The following PC variants were observed in gnomAD, a reference collection of about 807,000 sequenced individuals.
PC encodes the protein pyruvate carboxylase.
Under a neutral mutation model 107.8 loss-of-function variants are expected in PC, and 46 were observed. That is an observed-to-expected ratio of 0.43 (90% confidence interval 0.34 to 0.55). The LOEUF (loss-of-function observed/expected upper bound fraction) is 0.55, where lower values mean the gene tolerates loss of function less well. Among genes scored for constraint, PC ranks in the 20% least tolerant of loss-of-function variants. The probability of loss-of-function intolerance (pLI) is 0.04; values close to 1 mark genes in which losing one functional copy is unlikely to be tolerated. For missense variants in PC, 1,241 were observed against 1,643.1 expected (o/e 0.76, Z 4.23); for synonymous variants, 662 against 684.7 (o/e 0.97, Z 0.52).
chr11:66,915,719 C>T (rs984714373), intron 3 of PC, among the ~76,000 whole-genome samples: 4 of 152,154 alleles, frequency 2.6e-5, no homozygotes, highest in African/African-American at 4.8e-5. Context: ...TGCCAGGTTC[C>T]GAGACTTCCT....
chr11:66,869,621 G>A (rs1453219939), intron 9 of PC, among the ~76,000 whole-genome samples: 4 of 152,304 alleles, frequency 2.6e-5, no homozygotes, highest in African/African-American at 9.6e-5. Context: ...ATTAGCTGTG[G>A]CTGAGGCCTT....
intron 3 of PC, among the ~76,000 whole-genome samples, chr11:66,950,427 C>A (rs1340849374): frequency 2.0e-5 from 3 of 152,202 alleles, no homozygotes; most frequent in Non-Finnish European, 2.9e-5. Context: ...AAGGAGGTAA[C>A]ACAAGAGTAG....
At chr11:66,950,816 T>C (rs150532898) in intron 3 of PC, among the ~76,000 whole-genome samples, 1 of 152,242 alleles carries the variant, frequency 6.6e-6, no homozygotes, top group Non-Finnish European at 1.5e-5. Context: ...GTTTCTTCAG[T>C]TCCATAAGAC....
Position 66,931,313 on chromosome 11 carries a change from G to A in PC, c.-1+21117C>T, listed in dbSNP as rs189441774. 7.3e-5 allele frequency among the ~76,000 whole-genome samples: 11 copies of A among 150,728 alleles called. No homozygotes were observed. In the East Asian group the frequency reaches 1.8e-3, roughly 24 times the overall value. ...AGAATCACTTGAACCCAGGAGGCAGGGGTTGCAGTGGGCCGAGATGGCACC... is the reference window on the plus strand; with the variant it reads ...AGAATCACTTGAACCCAGGAGGCAGAGGTTGCAGTGGGCCGAGATGGCACC... On this transcript the variant is annotated intron_variant, in intron 3 of 22. Transcript: ENST00000393960.
chr11:66,914,433 C>G (rs1398424237), intron 3 of PC, among the ~76,000 whole-genome samples: 1 of 151,798 alleles, frequency 6.6e-6, no homozygotes, highest in Non-Finnish European at 1.5e-5. Context: ...ATCGCTTGAA[C>G]CTGGGAGGCA....
chr11:66,939,804 C>CAAA (rs56761659), intron 3 of PC, among the ~76,000 whole-genome samples: 588 of 39,202 alleles, frequency 0.015, 27 homozygotes, highest in African/African-American at 0.056. Flanking sequence ...AACTCCGTCT[C>CAAA]AAAAAAAAAA....
intron 3 of PC, among the ~76,000 whole-genome samples, chr11:66,920,902 G>A (rs1256365007): frequency 6.6e-6 from 1 of 152,116 alleles, no homozygotes; most frequent in Non-Finnish European, 1.5e-5. Context: ...GCCAGGCATG[G>A]TGGTAGGTGC....
At chr11:66,946,530 G>A (rs1949297495) in intron 3 of PC, among the ~76,000 whole-genome samples, 1 of 152,140 alleles carries the variant, frequency 6.6e-6, no homozygotes, top group Non-Finnish European at 1.5e-5. Flanking sequence ...TGAGGCAGAA[G>A]AATTGCTTGA....
At chr11:66,957,392 C>T (rs1949589584) in intron 1 of PC, among the ~76,000 whole-genome samples, 1 of 152,166 alleles carries the variant, frequency 6.6e-6, no homozygotes, top group Non-Finnish European at 1.5e-5. Flanking sequence ...CAGGGCAGGC[C>T]GCTCGCTTGA....
intron 3 of PC, among the ~76,000 whole-genome samples, chr11:66,943,970 C>CAA (rs145566931): frequency 9.9e-6 from 1 of 100,656 alleles, no homozygotes. Flanking sequence ...GAAACTGTCT[C>CAA]AAAAAAAAAA....
At chr11:66,923,883 G>T (rs1192214749) in intron 3 of PC, among the ~76,000 whole-genome samples, 1 of 16,326 alleles carries the variant, frequency 6.1e-5, no homozygotes, top group Non-Finnish European at 1.6e-4. Context: ...AGACCTCAAG[G>T]CAAAAAAAAA....
At chr11:66,931,271 C>G (rs1948840994) in intron 3 of PC, among the ~76,000 whole-genome samples, 2 of 150,980 alleles carry the variant, frequency 1.3e-5, no homozygotes, top group South Asian at 4.2e-4. Context: ...CCCAGCTACT[C>G]AGGAGGCTGA....
intron 3 of PC, among the ~76,000 whole-genome samples, chr11:66,922,880 C>G (rs1045500716): frequency 5.3e-5 from 8 of 152,188 alleles, no homozygotes; most frequent in Non-Finnish European, 7.3e-5. Context: ...GGGTCTCAGA[C>G]AGGGAGGCAA....
rs1272540070 is a variant in PC at position 66,850,814 on chromosome 11, G to A, written c.2333C>T (p.Ala778Val). 1.2e-6 allele frequency: 2 copies of A among 1,612,100 alleles called. No homozygotes were observed. The highest frequency in any genetic ancestry group is 2.2e-5 in the East Asian group (1 of 44,890). The change falls in exon 18 of 23, where the codon GCA becomes GTA. Residue 778 changes from alanine (A) to valine (V), a missense_variant. By Grantham distance (64) the Ala-to-Val change is moderately conservative. Transcript: ENST00000393960. ...LHIHTHDTSG[A>V]GVAAMLACAQ... is the part of the protein sequence containing the mutation. The stretch of plus-strand genomic sequence containing the variant: ...ACAGGCCAGCATGGCTGCCACGCCT[G>A]CCCCTGACGTGTCGTGGGTGTGGAT...
chr11:66,940,761 T>G (rs140459980), intron 3 of PC, among the ~76,000 whole-genome samples: 2 of 151,532 alleles, frequency 1.3e-5, no homozygotes, highest in Non-Finnish European at 2.9e-5. Flanking sequence ...CCAAAGAAGA[T>G]AGAAGATATA....
intron 3 of PC, among the ~76,000 whole-genome samples, chr11:66,942,325 G>A (rs1395457640): frequency 6.6e-5 from 10 of 151,004 alleles, no homozygotes; most frequent in East Asian, 1.9e-4. Flanking sequence ...GTGTGAACCC[G>A]GGAGGTGGAG....
Position 66,905,017 on chromosome 11 carries a change from T to C in PC, c.1-32858A>G, listed in dbSNP as rs10160714. Among the ~76,000 whole-genome samples, 395 of 152,318 alleles carry C rather than the reference T, an allele frequency of 2.6e-3. 5 individuals are homozygous for C. The highest frequency in any genetic ancestry group is 8.9e-3 in the African/African-American group (369 of 41,568). ...TTCAGAAACTGTAAACCACAATACA[T>C]ATGCAAAGGACTGTGATTAGATTTC... is the stretch of plus-strand genomic sequence containing the variant. On this transcript the variant is annotated intron_variant, in intron 3 of 22. Coordinates refer to ENST00000393960, the MANE Select transcript of PC (RefSeq NM_001040716.2).
chr11:66,930,775 A>G (rs1434355219), intron 3 of PC, among the ~76,000 whole-genome samples: 1 of 149,164 alleles, frequency 6.7e-6, no homozygotes, highest in African/African-American at 2.5e-5. Flanking sequence ...AGTTCCCAGC[A>G]GGGTTATTCC....
At chr11:66,875,774 T>C (rs1034124993) in intron 3 of PC, among the ~76,000 whole-genome samples, 3 of 152,100 alleles carry the variant, frequency 2.0e-5, no homozygotes, top group Admixed American at 1.3e-4. Flanking sequence ...GTAACCTTGC[T>C]GGACTCTGGG....
Sources: allele counts gnomAD v4.1 joint callset (sites outside exome capture counted in the v4.1 genomes callset), GRCh38; gene constraint gnomAD v4.1.1; transcripts MANE v1.5; gene names NCBI Gene and HGNC (gene_info 2026-07-23, HGNC 2026-07-21).